RBM47: variants seen among roughly 807,000 people sequenced by gnomAD.
The protein encoded by RBM47 is RNA-binding protein 47.
Under a neutral mutation model 47.1 loss-of-function variants are expected in RBM47, and 21 were observed. That is an observed-to-expected ratio of 0.45 (90% confidence interval 0.32 to 0.64). RBM47 has a LOEUF of 0.64. Among genes scored for constraint, RBM47 ranks in the 30% least tolerant of loss-of-function variants. The pLI, the probability that RBM47 is intolerant of heterozygous loss-of-function variation, is 0.05. For synonymous variants in RBM47, 375 were observed against 361.7 expected (o/e 1.04, Z -0.42); for missense variants, 708 against 870.9 (o/e 0.81, Z 2.35).
At chr4:40,434,781 C>T (rs190631945) in intron 5 of RBM47, among the ~76,000 whole-genome samples, 2 of 150,574 alleles carry the variant, frequency 1.3e-5, no homozygotes, top group East Asian at 1.9e-4. Context: ...CTTTTTAACT[C>T]TATGAGGCCA....
At chr4:40,436,750 G>A in intron 4 of RBM47, 103 bp from the exon 5 acceptor site, 1 of 1,100,076 alleles carries the variant, frequency 9.1e-7, no homozygotes, top group Non-Finnish European at 1.4e-6. Flanking sequence ...AGTCTTAATT[G>A]CAGGTGGCTA....
rs548304831 is a variant in RBM47, at chr4:40,515,420, G to A, written c.-155+29002C>T. Among the ~76,000 whole-genome samples, 19 of 152,232 alleles carry A rather than the reference G, an allele frequency of 1.2e-4. No homozygotes were observed. The East Asian group carries it at 3.7e-3, about 29-fold the overall frequency. Reference sequence around the variant, plus strand: ...AGCAGAATTACTTAGCTACAGTCAAGCCCACTCGCTAAAAAGAGACCAAGA... The same window carrying A: ...AGCAGAATTACTTAGCTACAGTCAAACCCACTCGCTAAAAAGAGACCAAGA... On this transcript the variant is annotated intron_variant, in intron 2 of 6. Coordinates refer to ENST00000295971, the MANE Select transcript of RBM47 (RefSeq NM_001098634.2).
At chr4:40,619,979 T>A (rs556934555) in intron 1 of RBM47, among the ~76,000 whole-genome samples, 1 of 152,080 alleles carries the variant, frequency 6.6e-6, no homozygotes, top group African/African-American at 2.4e-5. Flanking sequence ...CGCGGATCAC[T>A]TGAGATCAGG....
At chr4:40,493,070 C>T (rs992546739) in intron 2 of RBM47, among the ~76,000 whole-genome samples, 3 of 152,162 alleles carry the variant, frequency 2.0e-5, no homozygotes, top group Admixed American at 6.6e-5. Flanking sequence ...AGCTCAAAAA[C>T]TAGCCCTGTC....
rs1458716296 is a variant in RBM47, at chr4:40,628,952, T to C, written c.-240+444A>G. Among the ~76,000 whole-genome samples, 2 of 152,244 alleles carry C rather than the reference T, an allele frequency of 1.3e-5. No individual in the cohort carries two copies. The highest frequency in any genetic ancestry group is 4.8e-5 in the African/African-American group (2 of 41,456). On this transcript the variant is annotated intron_variant, in intron 1 of 6. Coordinates refer to ENST00000295971, the MANE Select transcript of RBM47 (RefSeq NM_001098634.2). The surrounding 1 kb of genome is among the most constrained non-coding windows in gnomAD (Gnocchi z 4.0). Reference sequence around the variant, plus strand: ...CAACTACACCTCTACCGAGTGTTACTTTCAGACGTAAATTACTGCAGGAAG... The same window carrying C: ...CAACTACACCTCTACCGAGTGTTACCTTCAGACGTAAATTACTGCAGGAAG...
At chr4:40,576,204 T>C (rs910087424) in intron 1 of RBM47, among the ~76,000 whole-genome samples, 1 of 149,084 alleles carries the variant, frequency 6.7e-6, no homozygotes, top group African/African-American at 2.5e-5. Flanking sequence ...ATTATGCCCT[T>C]TCTTCAGCCT....
At position 40,475,472 on chromosome 4, in the gene RBM47, T is replaced by C. The variant is rs1719468695; in HGVS notation, c.-154-8773A>G. Among the ~76,000 whole-genome samples, 2 of 152,228 alleles carry C rather than the reference T, an allele frequency of 1.3e-5. 1 individual carries two copies. The highest frequency in any genetic ancestry group is 4.1e-4 in the South Asian group (2 of 4,828). On this transcript the variant is annotated intron_variant, in intron 2 of 6. Coordinates refer to ENST00000295971, the MANE Select transcript of RBM47 (RefSeq NM_001098634.2). ...GAAAAGCTGTTAGAAAAACTCATTT[T>C]TTAGAAAATGTTTTTAACTTAAGAA...
At chr4:40,592,977 A>ATATATATG (rs1734375155) in intron 1 of RBM47, among the ~76,000 whole-genome samples, 1 of 13,148 alleles carries the variant, frequency 7.6e-5, no homozygotes, top group Non-Finnish European at 1.2e-4. Context: ...ATATATATAT[A>ATATATATG]TATTTTTTTT....
At chr4:40,432,544 A>T in intron 6 of RBM47, 107 bp downstream of exon 6, 1 of 1,542,376 alleles carries the variant, frequency 6.5e-7, no homozygotes, top group Non-Finnish European at 8.7e-7. Flanking sequence ...CCATAGCTGT[A>T]ACAGAGAGCC....
chr4:40,476,060 C>T (rs1379934147), intron 2 of RBM47, among the ~76,000 whole-genome samples: 1 of 152,150 alleles, frequency 6.6e-6, no homozygotes, highest in South Asian at 2.1e-4. Flanking sequence ...CAAATAACGA[C>T]CGTAAGGAAA....
Position 40,534,566 on chromosome 4 carries a change from G to C in RBM47, c.-155+9856C>G, listed in dbSNP as rs556931985. Among the ~76,000 whole-genome samples the C allele has an allele frequency of 6.6e-5, 10 of 152,202 alleles. 1 individual carries two copies. The South Asian group carries it at 1.9e-3, about 28-fold the overall frequency. ...TGAACTGTGAGTTAGCGAACTCCTG[G>C]GGACCTGGTCAGAATGTCGATGGAC... On this transcript the variant is annotated intron_variant, in intron 2 of 6. Coordinates refer to ENST00000295971, the MANE Select transcript of RBM47 (RefSeq NM_001098634.2).
chr4:40,576,341 A>C (rs910469015), intron 1 of RBM47, among the ~76,000 whole-genome samples: 1 of 150,022 alleles, frequency 6.7e-6, no homozygotes, highest in African/African-American at 2.5e-5. Flanking sequence ...TTTTTTGTAG[A>C]GATGGGGTCT....
intron 2 of RBM47, among the ~76,000 whole-genome samples, chr4:40,531,891 G>A (rs1420224782): frequency 6.6e-6 from 1 of 152,146 alleles, no homozygotes; most frequent in African/African-American, 2.4e-5. Context: ...AAGTGAGGCA[G>A]GGGGGTGAGG....
At chr4:40,608,294 G>C (rs1735945246) in intron 1 of RBM47, among the ~76,000 whole-genome samples, 1 of 152,162 alleles carries the variant, frequency 6.6e-6, no homozygotes, top group South Asian at 2.1e-4. Context: ...CCCCACATGA[G>C]TGTGAGCATC....
At chr4:40,541,744 A>G (rs562247392) in intron 2 of RBM47, among the ~76,000 whole-genome samples, 104 of 152,316 alleles carry the variant, frequency 6.8e-4, no homozygotes, top group African/African-American at 2.2e-3. Context: ...GTCTCAAAAA[A>G]AAAAAGAAAA....
At chr4:40,603,416 A>C (rs1735458345) in intron 1 of RBM47, among the ~76,000 whole-genome samples, 1 of 152,172 alleles carries the variant, frequency 6.6e-6, no homozygotes, top group Non-Finnish European at 1.5e-5. Context: ...GGGCATTGTT[A>C]AACTTTTCCT....
chr4:40,466,924 A>C (rs545790923), intron 2 of RBM47, among the ~76,000 whole-genome samples: 1 of 152,284 alleles, frequency 6.6e-6, no homozygotes, highest in Middle Eastern at 3.4e-3. Context: ...TAAAGAAACA[A>C]GGAACAGTAA....
At chr4:40,560,504 G>A (rs774142177) in intron 1 of RBM47, among the ~76,000 whole-genome samples, 7 of 152,200 alleles carry the variant, frequency 4.6e-5, no homozygotes, top group Admixed American at 1.3e-4. Flanking sequence ...GGACACCTCG[G>A]CTCTCCCTGC....
chr4:40,515,752 A>AG (rs1226498085), intron 2 of RBM47: 1 of 152,214 alleles, frequency 6.6e-6, no homozygotes, highest in African/African-American at 2.4e-5. Context: ...GAAACACAGA[A>AG]GTTATTTCCA....
Sources: allele counts gnomAD v4.1 joint callset (sites outside exome capture counted in the v4.1 genomes callset), GRCh38; gene constraint gnomAD v4.1.1; non-coding constraint Gnocchi (gnomAD v3.1); transcripts MANE v1.5; gene names NCBI Gene and HGNC (gene_info 2026-07-23, HGNC 2026-07-21).